PTBP2: variants seen among roughly 807,000 people sequenced by gnomAD.
The protein encoded by PTBP2 is polypyrimidine tract-binding protein 2.
A neutral mutation model predicts 61.4 loss-of-function variants in PTBP2; 13 were observed. The ratio of observed to expected loss-of-function variants is 0.21; its 90% CI spans 0.14 to 0.34. PTBP2 has a LOEUF of 0.34. Ranked by LOEUF, PTBP2 falls within the 10% of genes least tolerant of loss-of-function variation. The pLI, the probability that PTBP2 is intolerant of heterozygous loss-of-function variation, is 1.00. For synonymous variants in PTBP2, 215 were observed against 218.5 expected (o/e 0.98, Z 0.14); for missense variants, 405 against 642.6 (o/e 0.63, Z 4.00).
rs1477799009 is a variant in PTBP2, at chr1:96,814,244, C to G, written c.*839C>G. 6.6e-6 allele frequency: 1 copy of G among 152,452 alleles called. No homozygotes were observed. The highest frequency in any genetic ancestry group is 1.9e-4 in the East Asian group (1 of 5,192). The allele number at this position is 152,452 out of a possible 1,614,324, so 9.4% of individuals were successfully genotyped here. A position where few individuals can be genotyped will look rare whatever the true frequency, so the allele number is the denominator to read the frequency against. Reference sequence around the variant, plus strand: ...TTTTGAAGTTGACATGACTTACGTGCATTTAAATATATATTGCCATCCTTA... The same window carrying G: ...TTTTGAAGTTGACATGACTTACGTGGATTTAAATATATATTGCCATCCTTA... On this transcript the variant is annotated 3_prime_UTR_variant, in exon 14 of 14. Coordinates refer to ENST00000674951, the MANE Select transcript of PTBP2 (RefSeq NM_021190.4).
chr1:96,762,571 G>A (rs1242550419), intron 3 of PTBP2, among the ~76,000 whole-genome samples: 1 of 149,146 alleles, frequency 6.7e-6, no homozygotes, highest in Admixed American at 6.6e-5. Flanking sequence ...TTCCCGGACG[G>A]GGCGGCTGGC....
intron 2 of PTBP2, among the ~76,000 whole-genome samples, chr1:96,728,135 C>T (rs1650856501): frequency 6.6e-6 from 1 of 152,242 alleles, no homozygotes; most frequent in Middle Eastern, 3.4e-3. Context: ...TATAGGCACA[C>T]AGCACCATGC....
At chr1:96,757,981 G>A (rs1479800466) in intron 3 of PTBP2, among the ~76,000 whole-genome samples, 1 of 151,660 alleles carries the variant, frequency 6.6e-6, no homozygotes, top group African/African-American at 2.4e-5. Flanking sequence ...GACTGACCAA[G>A]GAAAAAGACA....
chr1:96,784,927 T>C, intron 7 of PTBP2, 132 bp from the exon 8 acceptor site: 1 of 688,434 alleles, frequency 1.5e-6, no homozygotes, highest in Non-Finnish European at 2.3e-6. Flanking sequence ...ATTTGATATA[T>C]GAAATTTGAA....
At chr1:96,760,123 A>G (rs1232277212) in intron 3 of PTBP2, among the ~76,000 whole-genome samples, 2 of 152,100 alleles carry the variant, frequency 1.3e-5, no homozygotes, top group Admixed American at 1.3e-4. Flanking sequence ...GTGGGTGGGG[A>G]CACAGCCAAA....
At chr1:96,786,443 C>T (rs1254892186) in intron 8 of PTBP2, among the ~76,000 whole-genome samples, 1 of 152,094 alleles carries the variant, frequency 6.6e-6, no homozygotes, top group African/African-American at 2.4e-5. Context: ...TCTCTACTAC[C>T]TCTGTGTGTG....
intron 8 of PTBP2, among the ~76,000 whole-genome samples, chr1:96,787,958 GTTTAC>G (rs1410134388): frequency 2.6e-5 from 4 of 151,978 alleles, no homozygotes; most frequent in South Asian, 4.2e-4. Flanking sequence ...GTTAAAGCCT[GTTTAC>G]TTTATTTGCA....
chr1:96,764,201 G>A (rs1442156118), intron 3 of PTBP2, among the ~76,000 whole-genome samples: 2 of 152,048 alleles, frequency 1.3e-5, no homozygotes, highest in East Asian at 3.9e-4. Context: ...TAATTTTACA[G>A]GTGAAAAAAT....
At chr1:96,813,173 C>A in intron 13 of PTBP2, 67 bp downstream of exon 13, 2 of 1,540,240 alleles carry the variant, frequency 1.3e-6, no homozygotes, top group Non-Finnish European at 1.8e-6. Flanking sequence ...TTGTTCTTTT[C>A]GTTTATAGAA....
chr1:96,742,308 A>C (rs1653142750), intron 2 of PTBP2, among the ~76,000 whole-genome samples: 1 of 152,218 alleles, frequency 6.6e-6, no homozygotes, highest in Non-Finnish European at 1.5e-5. Flanking sequence ...GCTTATATGT[A>C]AGGGATGAGG....
chr1:96,765,582 A>C lies in PTBP2; in HGVS notation c.116-4121A>C, dbSNP rs1656588223. ...AAAAATTAGCTGGGTGTGGTGGTGC[A>C]CACCTGAATTCCCAGCTACATGGGA... On this transcript the variant is annotated intron_variant, in intron 3 of 13. Transcript: ENST00000674951. Among the ~76,000 whole-genome samples the C allele has an allele frequency of 3.3e-5, 5 of 152,058 alleles. No individual in the cohort carries two copies. The South Asian group carries it at 1.0e-3, about 31-fold the overall frequency.
rs543128114 is a variant in PTBP2, at chr1:96,773,930, T to C, written c.432+3079T>C. 2.5e-3 allele frequency among the ~76,000 whole-genome samples: 374 copies of C among 149,274 alleles called. 2 individuals carry two copies. Among genetic ancestry groups the C allele is most frequent in the African/African-American group, 8.4e-3 (339 of 40,532 alleles). On this transcript the variant is annotated intron_variant, in intron 5 of 13. Coordinates refer to ENST00000674951, the MANE Select transcript of PTBP2 (RefSeq NM_021190.4). ...GTGAGCCGAGATCGCGCCACTGCACTTCAGCCTGGGCGACAGAGCGAGACT... is the reference window on the plus strand; with the variant it reads ...GTGAGCCGAGATCGCGCCACTGCACCTCAGCCTGGGCGACAGAGCGAGACT...
chr1:96,730,125 G>C (rs887478732), intron 2 of PTBP2, among the ~76,000 whole-genome samples: 1 of 152,002 alleles, frequency 6.6e-6, no homozygotes. Context: ...TTTTTTCCTT[G>C]TCTGTCTGGA....
At chr1:96,763,013 G>C (rs1178374943) in intron 3 of PTBP2, among the ~76,000 whole-genome samples, 3 of 149,830 alleles carry the variant, frequency 2.0e-5, no homozygotes, top group Non-Finnish European at 4.5e-5. Flanking sequence ...TCACTTCCTA[G>C]ATGGGATGGC....
chr1:96,815,593 A>T (rs1362656910), downstream of PTBP2: 1 of 152,144 alleles, frequency 6.6e-6, no homozygotes, highest in East Asian at 1.9e-4. Context: ...CATGTTTCTT[A>T]GGTTTGTTCT....
Position 96,791,839 on chromosome 1 carries a change from T to TTTTTTTG in PTBP2, c.904+6591_904+6592insGTTTTTT, listed in dbSNP as rs1557759326. Among the ~76,000 whole-genome samples the TTTTTTTG allele has an allele frequency of 1.1e-4, 15 of 138,178 alleles. 1 individual carries two copies. The highest frequency in any genetic ancestry group is 2.4e-4 in the South Asian group (1 of 4,088). The allele number at this position is 138,178 out of a possible 152,430, so 90.7% of individuals were successfully genotyped here. On this transcript the variant is annotated intron_variant, in intron 8 of 13. Transcript: ENST00000674951. ...CTTGGAGTTGTGCTTTTTTTTTTTT[T>TTTTTTTG]TTTTTTTTTTGAGATAGAGTCTGGC...
intron 8 of PTBP2, among the ~76,000 whole-genome samples, chr1:96,798,896 A>G (rs962596834): frequency 2.6e-5 from 4 of 152,212 alleles, no homozygotes; most frequent in Non-Finnish European, 4.4e-5. Context: ...AAAATTATAG[A>G]TACAATTTCT....
Position 96,751,437 on chromosome 1 carries a change from G to A in PTBP2, c.52G>A (p.Glu18Lys), listed in dbSNP as rs1654526033. 3.1e-6 allele frequency: 5 copies of A among 1,611,996 alleles called. No individual in the cohort carries two copies. The highest frequency in any genetic ancestry group is 2.2e-5 in the East Asian group (1 of 44,834). ...TTTGTTTTCATAGAGAGGATCTGAC[G>A]AACTACTCTCAGGCAGTGTTCTCAG... ...VAVGVKRGSD[E>K]LLSGSVLSSP... Residue 18 changes from glutamate (E) to lysine (K), a missense_variant, in exon 3 of 14, where the codon GAA (glutamate) becomes AAA (lysine). This residue lies in a region of PTBP2 where 342 missense variants were observed against 491.2 expected (regional missense o/e 0.70). Transcript: ENST00000674951.
At chr1:96,728,427 C>A (rs1282195848) in intron 2 of PTBP2, among the ~76,000 whole-genome samples, 2 of 152,186 alleles carry the variant, frequency 1.3e-5, no homozygotes, top group Admixed American at 1.3e-4. Flanking sequence ...TTTACAGCAT[C>A]ATTTGTTGAA....
Sources: allele counts gnomAD v4.1 joint callset (sites outside exome capture counted in the v4.1 genomes callset), GRCh38; gene constraint gnomAD v4.1.1; regional missense constraint gnomAD v4.1.1; transcripts MANE v1.5; gene names NCBI Gene and HGNC (gene_info 2026-07-23, HGNC 2026-07-21).